Variants in NTM observed in about 807,000 individuals in gnomAD.
The protein encoded by NTM is IgLON family member 2.
In NTM, 13 loss-of-function variants were observed where a neutral mutation model predicts 42.1. The observed-to-expected ratio is 0.31, with a 90% CI of 0.20 to 0.49. The LOEUF (loss-of-function observed/expected upper bound fraction) is 0.49, where lower values mean the gene tolerates loss of function less well. Ranked by LOEUF, NTM falls within the 20% of genes least tolerant of loss-of-function variation. The pLI is 0.99. For synonymous variants in NTM, 187 were observed against 179.2 expected, an observed-to-expected ratio of 1.04 and a Z score of -0.35; for missense variants, 373 against 452.8, an observed-to-expected ratio of 0.82 and a Z score of 1.60.
chr11:131,651,861 G>A (rs1425575580), intron 1 of NTM, among the ~76,000 whole-genome samples: 159 of 40,992 alleles, frequency 3.9e-3, no homozygotes, highest in South Asian at 5.2e-3. Flanking sequence ...CCCAAAAAAA[G>A]AAAAAAAAAA....
chr11:131,679,641 T>C (rs2135533), intron 1 of NTM, among the ~76,000 whole-genome samples: 111,045 of 149,944 alleles, frequency 0.74, 41,325 homozygotes, highest in East Asian at 0.8. Flanking sequence ...TTCCCTCTGA[T>C]GGCTTCTAGA....
chr11:131,460,249 C>A (rs1432066584), intron 1 of NTM, among the ~76,000 whole-genome samples: 2 of 152,174 alleles, frequency 1.3e-5, no homozygotes, highest in Non-Finnish European at 2.9e-5. Context: ...GCCTAGCCTT[C>A]AGTCTGGAGA....
At chr11:131,944,816 C>T (rs1042773190) in intron 2 of NTM, among the ~76,000 whole-genome samples, 2 of 152,202 alleles carry the variant, frequency 1.3e-5, no homozygotes, top group East Asian at 1.9e-4. Flanking sequence ...TATCATGCCA[C>T]GGCATCACCA....
intron 1 of NTM, among the ~76,000 whole-genome samples, chr11:131,705,010 A>G (rs1159431949): frequency 6.6e-6 from 1 of 152,196 alleles, no homozygotes; most frequent in Non-Finnish European, 1.5e-5. Context: ...TATACACATT[A>G]TAGGAGTTTA....
intron 1 of NTM, among the ~76,000 whole-genome samples, chr11:131,418,608 C>A (rs1290350549): frequency 6.6e-6 from 1 of 152,150 alleles, no homozygotes; most frequent in African/African-American, 2.4e-5. Flanking sequence ...ATTAAATTGG[C>A]CTCGAAAGCC....
chr11:131,804,962 T>C (rs2136260527), intron 1 of NTM, among the ~76,000 whole-genome samples: 1 of 152,294 alleles, frequency 6.6e-6, no homozygotes, highest in Admixed American at 6.5e-5. Context: ...GGTGCTCTCT[T>C]GGAAGGGATG....
chr11:131,374,610 G>A (rs1291250624), intron 1 of NTM, among the ~76,000 whole-genome samples: 2 of 152,134 alleles, frequency 1.3e-5, no homozygotes, highest in South Asian at 4.1e-4. Context: ...TTCCCTGCCT[G>A]AGGTGATAGG....
At chr11:131,733,463 TTTCCTTCCTTCCTTCC>T (rs555056062) in intron 1 of NTM, among the ~76,000 whole-genome samples, 1,919 of 112,628 alleles carry the variant, frequency 0.017, 25 homozygotes, top group South Asian at 0.048. Context: ...TCCTTCCTTC[TTTCCTTCCTTCCTTCC>T]TTCCTTCCTT....
intron 1 of NTM, among the ~76,000 whole-genome samples, chr11:131,713,121 TC>T (rs1293055778): frequency 3.0e-4 from 45 of 152,222 alleles, no homozygotes; most frequent in African/African-American, 9.6e-4. Flanking sequence ...ATTTAGTCTC[TC>T]ATTGTAGGAA....
chr11:131,921,882 C>A (rs1477119383), intron 2 of NTM, among the ~76,000 whole-genome samples: 1 of 151,996 alleles, frequency 6.6e-6, no homozygotes. Context: ...AGTCACAGAC[C>A]CCCAACCCCA....
At chr11:131,786,858 A>G (rs1009405100) in intron 1 of NTM, among the ~76,000 whole-genome samples, 3 of 152,216 alleles carry the variant, frequency 2.0e-5, no homozygotes, top group Non-Finnish European at 4.4e-5. Flanking sequence ...ATTCCTGTCC[A>G]TTGAGCTAAA....
chr11:132,315,609 G>A (rs973806031), intron 7 of NTM, among the ~76,000 whole-genome samples: 2 of 152,174 alleles, frequency 1.3e-5, no homozygotes, highest in African/African-American at 4.8e-5. Context: ...CAGATAATTT[G>A]CAAGAACACA....
chr11:131,821,602 C>T (rs1249422347), intron 1 of NTM, among the ~76,000 whole-genome samples: 1 of 152,344 alleles, frequency 6.6e-6, no homozygotes, highest in Non-Finnish European at 1.5e-5. Flanking sequence ...GTGAGAATCA[C>T]GTAAACAAAG....
intron 1 of NTM, among the ~76,000 whole-genome samples, chr11:131,500,892 T>A (rs1009260652): frequency 6.7e-6 from 1 of 150,022 alleles, no homozygotes; most frequent in African/African-American, 2.4e-5. Context: ...TCCAGCTTCA[T>A]CCATGTCTCT....
intron 1 of NTM, among the ~76,000 whole-genome samples, chr11:131,597,255 G>A (rs2059891701): frequency 6.6e-6 from 1 of 152,112 alleles, no homozygotes; most frequent in Admixed American, 6.5e-5. Context: ...AATGCCACGT[G>A]GGAGGTTCAA....
chr11:132,096,597 G>A (rs2061021147), intron 2 of NTM, among the ~76,000 whole-genome samples: 1 of 152,072 alleles, frequency 6.6e-6, no homozygotes, highest in Non-Finnish European at 1.5e-5. Flanking sequence ...TATTCACAAG[G>A]CACAATTCTG....
intron 2 of NTM, among the ~76,000 whole-genome samples, chr11:131,941,806 T>C (rs1266108272): frequency 1.3e-5 from 2 of 152,180 alleles, no homozygotes; most frequent in Non-Finnish European, 2.9e-5. Context: ...TGGGCTTGGC[T>C]CTCAACCCAA....
chr11:132,025,610 T>A (rs938103586), intron 2 of NTM, among the ~76,000 whole-genome samples: 2 of 152,166 alleles, frequency 1.3e-5, no homozygotes, highest in African/African-American at 4.8e-5. Flanking sequence ...GACCGGCAGT[T>A]CTCACTCCAC....
At chr11:131,740,180 A>G (rs531724245) in intron 1 of NTM, among the ~76,000 whole-genome samples, 39 of 152,308 alleles carry the variant, frequency 2.6e-4, no homozygotes, top group African/African-American at 9.4e-4. Context: ...GCTACGTTGT[A>G]AGAGTGTATT....
Sources: gnomAD v4.1 joint callset for allele counts (sites outside exome capture counted in the v4.1 genomes callset) on GRCh38, gnomAD v4.1.1 for gene constraint, MANE v1.5 for transcripts, NCBI Gene and HGNC (gene_info 2026-07-23, HGNC 2026-07-21) for gene names.